Variants in ALLC observed in about 807,000 individuals in gnomAD.
ALLC encodes the protein probable inactive allantoicase.
A neutral mutation model predicts 45.0 loss-of-function variants in ALLC; 40 were observed. The ratio of observed to expected loss-of-function variants is 0.89; its 90% CI spans 0.69 to 1.16. The LOEUF is 1.16. ALLC is among the 50% of genes most tolerant of loss of function. The probability of loss-of-function intolerance (pLI) is 0.00; values close to 1 mark genes in which losing one functional copy is unlikely to be tolerated. For synonymous variants in ALLC, 176 were observed against 178.1 expected (o/e 0.99, Z 0.09); for missense variants, 488 against 493.1 (o/e 0.99, Z 0.10).
At chr2:3,677,901 T>A (rs1667067477) in intron 3 of ALLC, among the ~76,000 whole-genome samples, 1 of 152,202 alleles carries the variant, frequency 6.6e-6, no homozygotes, top group South Asian at 2.1e-4. Flanking sequence ...TATTCCAACT[T>A]CATGACACTC....
At chr2:3,679,117 G>A (rs1198794876) in intron 4 of ALLC, among the ~76,000 whole-genome samples, 1 of 152,136 alleles carries the variant, frequency 6.6e-6, no homozygotes, top group Non-Finnish European at 1.5e-5. Context: ...ACAAATCCAG[G>A]CATTAGGTTG....
chr2:3,659,583 C>G (rs1666519368), intron 1 of ALLC, among the ~76,000 whole-genome samples: 1 of 152,256 alleles, frequency 6.6e-6, no homozygotes, highest in African/African-American at 2.4e-5. Context: ...GCACTGTGAG[C>G]TGCTGAGCTG....
chr2:3,690,246 CCCCTT>C (rs1558545606), intron 7 of ALLC, among the ~76,000 whole-genome samples: 1 of 68,438 alleles, frequency 1.5e-5, no homozygotes, highest in Non-Finnish European at 2.9e-5. Context: ...CTGATCCCCT[CCCCTT>C]CCCTTCCCTT....
chr2:3,694,013 C>CA (rs1480261527), intron 7 of ALLC, among the ~76,000 whole-genome samples: 1 of 151,912 alleles, frequency 6.6e-6, no homozygotes, highest in African/African-American at 2.4e-5. Flanking sequence ...AGAAAAAAAA[C>CA]AAAAAACTGC....
intron 2 of ALLC, 126 bp from the exon 3 acceptor site, chr2:3,673,949 G>T: frequency 1.4e-6 from 1 of 689,768 alleles, no homozygotes; most frequent in Non-Finnish European, 2.5e-6. Flanking sequence ...TGCAGATTCT[G>T]TCGCTTCCCC....
At chr2:3,701,677 G>C (rs11681270) in intron 11 of ALLC, 41 bp downstream of exon 11, 1 of 1,581,248 alleles carries the variant, frequency 6.3e-7, no homozygotes, top group East Asian at 2.3e-5. Context: ...CTCAGACTGT[G>C]CTATTTCCCT....
At chr2:3,668,566 CTTTTTTTTTTTTTTTTT>C (rs1173613810) in intron 1 of ALLC, among the ~76,000 whole-genome samples, 3 of 71,886 alleles carry the variant, frequency 4.2e-5, no homozygotes, top group African/African-American at 2.2e-4. Context: ...ATGTGTATGA[CTTTTTTTTTTTTTTTTT>C]TTTTTTTTTT....
intron 3 of ALLC, among the ~76,000 whole-genome samples, chr2:3,674,879 T>A (rs1666981069): frequency 6.6e-6 from 1 of 152,206 alleles, no homozygotes; most frequent in Admixed American, 6.5e-5. Context: ...GCTCTTACCA[T>A]TTTACCACAG....
rs543282515 is a variant in ALLC at position 3,680,230 on chromosome 2, G to A, written c.298+236G>A. On this transcript the variant is annotated intron_variant, in intron 5 of 11. Transcript: ENST00000252505. The surrounding 1 kb of genome is among the most constrained non-coding windows in gnomAD (Gnocchi z 4.0). Reference sequence around the variant, plus strand: ...CAGATATAGATTTTATCATTCCCACGGTCCTTCAGCTTCACGCAGAGGCAG... The same window carrying A: ...CAGATATAGATTTTATCATTCCCACAGTCCTTCAGCTTCACGCAGAGGCAG... Among the ~76,000 whole-genome samples the A allele has an allele frequency of 2.6e-5, 4 of 152,278 alleles. No homozygotes were observed. The highest frequency in any genetic ancestry group is 5.9e-5 in the Non-Finnish European group (4 of 68,028).
chr2:3,666,596 T>TATGCCCAGCCAGGC (rs796289114), intron 1 of ALLC, among the ~76,000 whole-genome samples: 27 of 152,286 alleles, frequency 1.8e-4, no homozygotes, highest in African/African-American at 6.5e-4. Flanking sequence ...AATAAATATA[T>TATGCCCAGCCAGGC]ATGCCCAGCC....
At chr2:3,682,727 G>C (rs542706533) in intron 6 of ALLC, among the ~76,000 whole-genome samples, 4 of 152,040 alleles carry the variant, frequency 2.6e-5, no homozygotes, top group African/African-American at 7.2e-5. Flanking sequence ...GGGTTTCACC[G>C]TGTTAGCCAG....
chr2:3,699,430 G>A (rs758915033), intron 10 of ALLC, among the ~76,000 whole-genome samples: 1 of 152,082 alleles, frequency 6.6e-6, no homozygotes, highest in East Asian at 1.9e-4. Context: ...TTGATTCCAC[G>A]TCTTTGCTAT....
intron 10 of ALLC, among the ~76,000 whole-genome samples, chr2:3,697,977 T>G: frequency 6.7e-6 from 1 of 150,278 alleles, no homozygotes; most frequent in East Asian, 2.0e-4. Context: ...TATTTATTTA[T>G]TTTTGAGATG....
At chr2:3,646,586 A>C in the ALLC span, among the ~76,000 whole-genome samples, 1 of 152,196 alleles carries the variant, frequency 6.6e-6, no homozygotes, top group Admixed American at 6.5e-5. Context: ...CCAGGGAATG[A>C]TGTACAGCTG....
intron 2 of ALLC, among the ~76,000 whole-genome samples, chr2:3,673,330 G>A (rs1398958088): frequency 6.6e-6 from 1 of 152,176 alleles, no homozygotes; most frequent in Non-Finnish European, 1.5e-5. Flanking sequence ...GAGCAAGGGG[G>A]ATCCTGATAT....
At chr2:3,651,297 TGGGTGGGTGGGTGGGTG>T in the ALLC span, among the ~76,000 whole-genome samples, 1 of 1,716 alleles carries the variant, frequency 5.8e-4, no homozygotes, top group African/African-American at 1.4e-3. Flanking sequence ...GAATTCTTTT[TGGGTGGGTGGGTGGGTG>T]GGGGGGGTGT....
In ALLC at chr2:3,659,949, C is replaced by T. The variant is rs532732882; in HGVS notation, c.-63+1655C>T. ...GAGGCCCAGCTTTAAACGGTCTCTCCTTTCTCACATTTTTTTATCTTAGGG... is the reference window on the plus strand; with the variant it reads ...GAGGCCCAGCTTTAAACGGTCTCTCTTTTCTCACATTTTTTTATCTTAGGG... On this transcript the variant is annotated intron_variant, in intron 1 of 11. Transcript: ENST00000252505. Among the ~76,000 whole-genome samples the T allele has an allele frequency of 1.9e-3, 282 of 152,366 alleles. 2 individuals are homozygous for T. The highest frequency in any genetic ancestry group is 2.6e-3 in the Non-Finnish European group (177 of 68,040).
At chr2:3,692,111 G>C (rs113668769) in intron 7 of ALLC, among the ~76,000 whole-genome samples, 1 of 152,106 alleles carries the variant, frequency 6.6e-6, no homozygotes, top group African/African-American at 2.4e-5. Context: ...TCAGTCACTG[G>C]TTCCTTGCTT....
At chr2:3,696,447 T>C (rs1667676434) in intron 9 of ALLC, 99 bp downstream of exon 9, 2 of 930,806 alleles carry the variant, frequency 2.1e-6, no homozygotes, top group East Asian at 2.6e-5. Flanking sequence ...AGAAACCTCA[T>C]ATGCATTGTT....
Sources: allele counts gnomAD v4.1 joint callset (sites outside exome capture counted in the v4.1 genomes callset), GRCh38; gene constraint gnomAD v4.1.1; non-coding constraint Gnocchi (gnomAD v3.1); transcripts MANE v1.5; gene names NCBI Gene and HGNC (gene_info 2026-07-23, HGNC 2026-07-21).